Variants in QRFPR observed in about 807,000 individuals in gnomAD.
QRFPR encodes the protein pyroglutamylated RF-amide peptide receptor.
A neutral mutation model predicts 31.3 loss-of-function variants in QRFPR; 37 were observed. The ratio of observed to expected loss-of-function variants is 1.18; its 90% CI spans 0.91 to 1.56. The LOEUF is 1.56. Among genes scored for constraint, QRFPR ranks in the 40% most tolerant of loss-of-function variants. QRFPR has a pLI of 0.00. For synonymous variants in QRFPR, 197 were observed against 192.0 expected, an observed-to-expected ratio of 1.03 and a Z score of -0.22; for missense variants, 542 against 532.5, an observed-to-expected ratio of 1.02 and a Z score of -0.18.
intron 1 of QRFPR, among the ~76,000 whole-genome samples, chr4:121,358,920 A>G (rs919925959): frequency 6.6e-6 from 1 of 152,170 alleles, no homozygotes; most frequent in African/African-American, 2.4e-5. Context: ...ACACTAAAAG[A>G]TAGGTGATAT....
intron 1 of QRFPR, chr4:121,370,034 C>A (rs1000580761): frequency 1.3e-6 from 1 of 772,182 alleles, no homozygotes; most frequent in Non-Finnish European, 2.4e-6. Flanking sequence ...TAATTCATGA[C>A]GACATGGGTA....
intron 1 of QRFPR, among the ~76,000 whole-genome samples, chr4:121,356,470 A>G (rs1396726565): frequency 6.6e-6 from 1 of 152,132 alleles, no homozygotes; most frequent in Non-Finnish European, 1.5e-5. Context: ...GTTTGTGAAC[A>G]TTTGTCAATC....
chr4:121,348,284 T>A (rs2110473415), intron 1 of QRFPR, among the ~76,000 whole-genome samples: 1 of 152,330 alleles, frequency 6.6e-6, no homozygotes, highest in African/African-American at 2.4e-5. Flanking sequence ...GCCTACTGTG[T>A]TTAGGCCAAT....
intron 1 of QRFPR, among the ~76,000 whole-genome samples, chr4:121,374,708 T>C (rs772003831): frequency 4.6e-5 from 7 of 152,204 alleles, no homozygotes; most frequent in African/African-American, 7.2e-5. Flanking sequence ...AGATTGAGCA[T>C]TACCACTCTA....
chr4:121,349,826 T>C (rs1369961877), intron 1 of QRFPR, among the ~76,000 whole-genome samples: 1 of 152,210 alleles, frequency 6.6e-6, no homozygotes, highest in African/African-American at 2.4e-5. Flanking sequence ...CATGCTACTC[T>C]GTATCAATAA....
chr4:121,338,480 C>T (rs1410724785), intron 2 of QRFPR, among the ~76,000 whole-genome samples: 1 of 152,184 alleles, frequency 6.6e-6, no homozygotes, highest in Non-Finnish European at 1.5e-5. Flanking sequence ...AATTTGTAAA[C>T]TTTTAAAAAA....
chr4:121,337,381 A>G (rs1281402102), intron 2 of QRFPR, among the ~76,000 whole-genome samples: 2 of 152,194 alleles, frequency 1.3e-5, no homozygotes, highest in Non-Finnish European at 2.9e-5. Flanking sequence ...TAAACTGACT[A>G]CTAATTCCTT....
chr4:121,373,060 C>CT (rs1046463039), intron 1 of QRFPR, among the ~76,000 whole-genome samples: 2 of 151,972 alleles, frequency 1.3e-5, no homozygotes, highest in African/African-American at 4.8e-5. Context: ...AGAATATTCC[C>CT]TTTTTTTTCT....
At chr4:121,355,959 G>A (rs1200338334) in intron 1 of QRFPR, among the ~76,000 whole-genome samples, 2 of 152,072 alleles carry the variant, frequency 1.3e-5, no homozygotes, top group African/African-American at 4.8e-5. Context: ...AAAATTTTGA[G>A]ACTTGTGTTG....
chr4:121,330,623 A>T, intron 4 of QRFPR, 100 bp from the exon 5 acceptor site: 1 of 816,866 alleles, frequency 1.2e-6, no homozygotes, highest in Admixed American at 2.1e-5. Flanking sequence ...TCACTCAAAC[A>T]TAATTTTTAA....
chr4:121,378,418 T>C (rs1726399306), intron 1 of QRFPR, among the ~76,000 whole-genome samples: 3 of 147,158 alleles, frequency 2.0e-5, no homozygotes, highest in Non-Finnish European at 4.5e-5. Flanking sequence ...TTTTTTTTTT[T>C]TTTTTTTTTT....
chr4:121,333,545 T>C (rs1164021084), intron 3 of QRFPR, among the ~76,000 whole-genome samples: 1 of 152,216 alleles, frequency 6.6e-6, no homozygotes, highest in Non-Finnish European at 1.5e-5. Flanking sequence ...ACTTCATATA[T>C]TGCAATGATC....
At chr4:121,331,414 G>T (rs1172513165) in intron 4 of QRFPR, among the ~76,000 whole-genome samples, 1 of 150,684 alleles carries the variant, frequency 6.6e-6, no homozygotes, top group Admixed American at 6.6e-5. Flanking sequence ...AAACTCCTGG[G>T]CTCAAGCAAT....
intron 3 of QRFPR, among the ~76,000 whole-genome samples, chr4:121,336,390 G>A: frequency 6.6e-6 from 1 of 152,102 alleles, no homozygotes; most frequent in East Asian, 1.9e-4. Context: ...ATAGGAGGCA[G>A]GTAAGAAAGG....
chr4:121,373,233 C>A (rs527413315), intron 1 of QRFPR, among the ~76,000 whole-genome samples: 57 of 152,260 alleles, frequency 3.7e-4, no homozygotes, highest in African/African-American at 1.2e-3. Flanking sequence ...ACTGCTAAAT[C>A]CTTGTCATTA....
At chr4:121,372,941 C>G (rs776436914) in intron 1 of QRFPR, among the ~76,000 whole-genome samples, 12 of 152,180 alleles carry the variant, frequency 7.9e-5, no homozygotes, top group Non-Finnish European at 1.2e-4. Context: ...AACCACAACA[C>G]AGAGGGAAGT....
In QRFPR at chr4:121,378,837, T is replaced by C. The variant is rs953077192; in HGVS notation, c.340+1471A>G. On this transcript the variant is annotated intron_variant, in intron 1 of 5. Transcript: ENST00000394427. Reference sequence around the variant, plus strand: ...CAAAATAGTAATCCAGTTCTTTTGATCCCCACCATAAAATCCCACTTTGCA... The same window carrying C: ...CAAAATAGTAATCCAGTTCTTTTGACCCCCACCATAAAATCCCACTTTGCA... Among the ~76,000 whole-genome samples, 3 of 152,308 alleles carry C rather than the reference T, an allele frequency of 2.0e-5. No individual in the cohort carries two copies. The South Asian group carries it at 6.2e-4, about 32-fold the overall frequency.
At chr4:121,337,650 T>A (rs1001234997) in intron 2 of QRFPR, among the ~76,000 whole-genome samples, 1 of 152,020 alleles carries the variant, frequency 6.6e-6, no homozygotes, top group African/African-American at 2.4e-5. Context: ...CACCATAACA[T>A]GGGCATCACA....
intron 1 of QRFPR, among the ~76,000 whole-genome samples, 197 bp from the exon 2 acceptor site, chr4:121,340,807 T>G (rs1725529421): frequency 6.6e-6 from 1 of 152,178 alleles, no homozygotes; most frequent in African/African-American, 2.4e-5. Context: ...AACTTTATGT[T>G]CCTAAATGCT....
Sources: allele counts gnomAD v4.1 joint callset (sites outside exome capture counted in the v4.1 genomes callset), GRCh38; gene constraint gnomAD v4.1.1; transcripts MANE v1.5; gene names NCBI Gene and HGNC (gene_info 2026-07-23, HGNC 2026-07-21).